LRRFIP1: variants seen among roughly 807,000 people sequenced by gnomAD.
LRRFIP1 encodes the protein leucine-rich repeat flightless-interacting protein 1.
LRRFIP1 carries 62 observed loss-of-function variants against 104.4 expected under a neutral mutation model. That is an observed-to-expected ratio of 0.59 (90% CI 0.48 to 0.73). The LOEUF (loss-of-function observed/expected upper bound fraction) is 0.73, where lower values mean the gene tolerates loss of function less well. LRRFIP1 is among the 30% of genes least tolerant of loss of function. The probability of loss-of-function intolerance (pLI) is 0.00; values close to 1 mark genes in which losing one functional copy is unlikely to be tolerated. For synonymous variants in LRRFIP1, 300 were observed against 299.0 expected, an observed-to-expected ratio of 1.00 and a Z score of -0.03; for missense variants, 796 against 824.5, an observed-to-expected ratio of 0.97 and a Z score of 0.42.
In LRRFIP1 at chr2:237,627,588, G is replaced by T; in HGVS notation, c.-57G>T. Reference sequence around the variant, plus strand: ...AGGGGCCGGGGCCGGGGCCGGGCCGGGGCGGCGCGAGCGGCTGGAGCAACG... The same window carrying T: ...AGGGGCCGGGGCCGGGGCCGGGCCGTGGCGGCGCGAGCGGCTGGAGCAACG... On this transcript the variant is annotated 5_prime_UTR_variant, in exon 1 of 24. Transcript: ENST00000308482. 9.5e-7 allele frequency: 1 copy of T among 1,057,016 alleles called. No individual in the cohort carries two copies. 65.5% of individuals were successfully genotyped at this position (1,057,016 alleles called of 1,614,324 possible).
intron 1 of LRRFIP1, among the ~76,000 whole-genome samples, chr2:237,667,175 C>A (rs1311889359): frequency 1.3e-5 from 2 of 152,134 alleles, no homozygotes; most frequent in Admixed American, 1.3e-4. Flanking sequence ...CTCTCCCTTC[C>A]CTTCCCCCTG....
intron 20 of LRRFIP1, chr2:237,770,254 T>C: frequency 2.4e-6 from 1 of 420,324 alleles, no homozygotes; most frequent in South Asian, 3.7e-5. Context: ...TTGGTACATT[T>C]TACTGAATTG....
At chr2:237,692,207 C>A (rs2092838516) in intron 1 of LRRFIP1, 1 of 1,072,928 alleles carries the variant, frequency 9.3e-7, no homozygotes, top group African/African-American at 1.7e-5. Context: ...TCCCCGGCGC[C>A]CTTCCACCCC....
rs752981914 is a variant in LRRFIP1, at chr2:237,753,486, A to G, written c.1038+7A>G. On this transcript the variant is annotated splice_region_variant and intron_variant, in intron 15 of 23. Coordinates refer to ENST00000308482, the MANE Select transcript of LRRFIP1 (RefSeq NM_001137550.2). The stretch of plus-strand genomic sequence containing the variant: ...GTACGAAGAGAAAAACAAAGTAAGC[A>G]TTAGTATGATACAGAATGTTAACAA... The G allele has an allele frequency of 6.3e-7, 1 of 1,580,946 alleles. No individual in the cohort carries two copies. The highest frequency in any genetic ancestry group is 8.5e-7 in the Non-Finnish European group (1 of 1,170,724).
intron 13 of LRRFIP1, 74 bp downstream of exon 13, chr2:237,749,398 A>C (rs543359332): frequency 1.1e-4 from 169 of 1,514,732 alleles, no homozygotes; most frequent in Non-Finnish European, 1.5e-4. Flanking sequence ...AAAAAAAAAA[A>C]AGTTAATTCA....
chr2:237,698,900 C>T (rs1451951451), intron 1 of LRRFIP1, among the ~76,000 whole-genome samples: 1 of 152,176 alleles, frequency 6.6e-6, no homozygotes, highest in Non-Finnish European at 1.5e-5. Flanking sequence ...AAATGAAATG[C>T]ATAGGTGAGA....
At chr2:237,693,993 A>C (rs948684615) in intron 1 of LRRFIP1, among the ~76,000 whole-genome samples, 19 of 152,186 alleles carry the variant, frequency 1.2e-4, no homozygotes, top group Non-Finnish European at 2.4e-4. Flanking sequence ...TGATCAGCCC[A>C]GGCCCACTGT....
chr2:237,679,594 A>C (rs577223189), intron 1 of LRRFIP1, among the ~76,000 whole-genome samples: 1 of 152,356 alleles, frequency 6.6e-6, no homozygotes, highest in Admixed American at 6.5e-5. Flanking sequence ...AAACCAAAGC[A>C]TTCCTATATC....
chr2:237,664,998 T>C (rs2088915279), intron 1 of LRRFIP1, among the ~76,000 whole-genome samples: 2 of 152,236 alleles, frequency 1.3e-5, no homozygotes, highest in African/African-American at 4.8e-5. Context: ...AGGCTTGTCA[T>C]CAGACCATTG....
intron 1 of LRRFIP1, among the ~76,000 whole-genome samples, chr2:237,642,744 G>T (rs2084213938): frequency 6.6e-6 from 1 of 152,102 alleles, no homozygotes; most frequent in Admixed American, 6.5e-5. Flanking sequence ...AGGGGTTTCA[G>T]GTTCCAGGTC....
At chr2:237,679,191 G>C (rs905475206) in intron 1 of LRRFIP1, among the ~76,000 whole-genome samples, 1 of 152,188 alleles carries the variant, frequency 6.6e-6, no homozygotes, top group Non-Finnish European at 1.5e-5. Flanking sequence ...AGAGTATCTT[G>C]TTATGAGACG....
intron 1 of LRRFIP1, among the ~76,000 whole-genome samples, chr2:237,686,483 A>T (rs377196134): frequency 2.0e-5 from 3 of 152,362 alleles, no homozygotes; most frequent in East Asian, 3.9e-4. Context: ...TAGGAAAACC[A>T]TTCATCCATC....
chr2:237,660,289 C>T (rs1245764061), intron 1 of LRRFIP1, among the ~76,000 whole-genome samples: 1 of 152,218 alleles, frequency 6.6e-6, no homozygotes, highest in Non-Finnish European at 1.5e-5. Flanking sequence ...ATTAAAACTA[C>T]TCTAGGTTAC....
At chr2:237,701,664 GC>G (rs1363581000) in intron 1 of LRRFIP1, among the ~76,000 whole-genome samples, 3 of 151,598 alleles carry the variant, frequency 2.0e-5, no homozygotes, top group African/African-American at 7.3e-5. Context: ...CCCATGGGGA[GC>G]CCTGGAAGAA....
chr2:237,748,751 A>C (rs1442254851), intron 12 of LRRFIP1, among the ~76,000 whole-genome samples: 1 of 152,244 alleles, frequency 6.6e-6, no homozygotes, highest in African/African-American at 2.4e-5. Flanking sequence ...TTAAAGTAAC[A>C]GTCCTGTGAT....
Position 237,765,119 on chromosome 2 carries a change from C to T in LRRFIP1, c.1460-4824C>T, listed in dbSNP as rs867722242. On this transcript the variant is annotated intron_variant, in intron 19 of 23. Transcript: ENST00000308482. ...TCTACTAAAAATACAAAAAATTGGCCGGGCGTGATGGTGGGCGCCTGTAAT... is the reference window on the plus strand; with the variant it reads ...TCTACTAAAAATACAAAAAATTGGCTGGGCGTGATGGTGGGCGCCTGTAAT... 1.3e-5 allele frequency: 4 copies of T among 310,570 alleles called. No homozygotes were observed. In the South Asian group the frequency reaches 3.7e-4, roughly 29 times the overall value. 19.2% of individuals were successfully genotyped at this position (310,570 alleles called of 1,614,324 possible). A position where few individuals can be genotyped will look rare whatever the true frequency, so the allele number is the denominator to read the frequency against.
chr2:237,666,915 G>GCTTTCTTTCTTTCTTT (rs144037636), intron 1 of LRRFIP1, among the ~76,000 whole-genome samples: 16 of 144,808 alleles, frequency 1.1e-4, no homozygotes, highest in African/African-American at 3.4e-4. Flanking sequence ...CTGCCTTCCT[G>GCTTTCTTTCTTTCTTT]CTTTCTTTCT....
intron 4 of LRRFIP1, among the ~76,000 whole-genome samples, chr2:237,718,363 T>C (rs921696857): frequency 1.3e-5 from 2 of 152,234 alleles, no homozygotes; most frequent in Admixed American, 1.3e-4. Flanking sequence ...CCACTGGTCT[T>C]TGGTAAGAAA....
At chr2:237,669,491 T>G (rs1327037339) in intron 1 of LRRFIP1, among the ~76,000 whole-genome samples, 2 of 152,254 alleles carry the variant, frequency 1.3e-5, no homozygotes, top group African/African-American at 4.8e-5. Context: ...TCTTGCTGAT[T>G]TGTGGATTGC....
Sources: allele counts gnomAD v4.1 joint callset (sites outside exome capture counted in the v4.1 genomes callset), GRCh38; gene constraint gnomAD v4.1.1; transcripts MANE v1.5; gene names NCBI Gene and HGNC (gene_info 2026-07-23, HGNC 2026-07-21).